Variants in UTP20 observed in about 807,000 individuals in gnomAD.
The protein encoded by UTP20 is small subunit processome component 20 homolog.
Under a neutral mutation model 329.5 loss-of-function variants are expected in UTP20, and 164 were observed. That is an observed-to-expected ratio of 0.50 (90% CI 0.44 to 0.57). The LOEUF is 0.57. Among genes scored for constraint, UTP20 ranks in the 20% least tolerant of loss-of-function variants. The pLI, the probability that UTP20 is intolerant of heterozygous loss-of-function variation, is 0.00. For missense variants in UTP20, 3,055 were observed against 3,284.2 expected (o/e 0.93, Z 1.71); for synonymous variants, 1,151 against 1,159.3 (o/e 0.99, Z 0.14).
Position 101,342,563 on chromosome 12 carries a change from A to C in UTP20, c.4219A>C (p.Arg1407=), listed in dbSNP as rs1178788205. The C allele has an allele frequency of 5.6e-6, 9 of 1,613,004 alleles. No homozygotes were observed. The highest frequency in any genetic ancestry group is 7.6e-6 in the Non-Finnish European group (9 of 1,179,690). ...CTCAGTTATTAAGAACAAATTGTCAAGAAAATTGCTTTGTACGGTTTTTGA... is the reference window on the plus strand; with the variant it reads ...CTCAGTTATTAAGAACAAATTGTCACGAAAATTGCTTTGTACGGTTTTTGA... ...LFSVIKNKLS[R]KLLCTVFETL... is the part of the protein sequence containing the mutation. The change falls in exon 33 of 62, where the codon AGA becomes CGA. Residue 1407 remains arginine (R), a synonymous_variant. Transcript: ENST00000261637.
chr12:101,340,555 G>A lies in UTP20; in HGVS notation c.4046G>A (p.Ser1349Asn). ...ISKFMKDKEQ[S>N]SVLITLLLPF... Reference sequence around the variant, plus strand: ...AAGTTTATGAAAGACAAAGAACAAAGTTCTGTACTCATTACGCTTCTCCTT... The same window carrying A: ...AAGTTTATGAAAGACAAAGAACAAAATTCTGTACTCATTACGCTTCTCCTT... Residue 1349 changes from serine (S) to asparagine (N), a missense_variant, in exon 32 of 62, where the codon AGT becomes AAT. Around this residue, in one of 3 missense-constraint regions of UTP20, gnomAD observed 2,445 missense variants for 2,575.5 expected, o/e 0.95. Coordinates refer to ENST00000261637, the MANE Select transcript of UTP20 (RefSeq NM_014503.3). 5.0e-6 allele frequency: 8 copies of A among 1,611,542 alleles called. No individual in the cohort carries two copies. Among genetic ancestry groups the A allele is most frequent in the Non-Finnish European group, 6.8e-6 (8 of 1,179,024 alleles).
At chr12:101,378,244 A>G (rs139666379) in intron 56 of UTP20, among the ~76,000 whole-genome samples, 1 of 152,224 alleles carries the variant, frequency 6.6e-6, no homozygotes, top group Non-Finnish European at 1.5e-5. Flanking sequence ...TATAATTCCA[A>G]CGTCACAGAA....
Position 101,308,312 on chromosome 12 carries a change from A to G in UTP20, c.2123A>G (p.Gln708Arg), listed in dbSNP as rs1872691413. 6.3e-7 allele frequency: 1 copy of G among 1,591,884 alleles called. No individual in the cohort carries two copies. Among genetic ancestry groups the G allele is most frequent in the Non-Finnish European group, 8.6e-7 (1 of 1,169,390 alleles). The change falls in exon 18 of 62, where the codon CAG (glutamine) becomes CGG (arginine). Residue 708 changes from glutamine to arginine, a missense_variant. By Grantham distance (43) the Gln-to-Arg change is conservative. Around this residue, in one of 3 missense-constraint regions of UTP20, gnomAD observed 2,445 missense variants for 2,575.5 expected, o/e 0.95. Transcript: ENST00000261637. Reference protein sequence around the residue: ...HLRKLRHDVVQTAVPDGPLQE... With the variant: ...HLRKLRHDVVRTAVPDGPLQE... Reference sequence around the variant, plus strand: ...AGAAAACTAAGACATGATGTGGTACAGACTGCTGTCCCTGATGGGCCGTTA... The same window carrying G: ...AGAAAACTAAGACATGATGTGGTACGGACTGCTGTCCCTGATGGGCCGTTA...
chr12:101,377,486 A>G (rs2121050857), intron 56 of UTP20, among the ~76,000 whole-genome samples: 1 of 152,158 alleles, frequency 6.6e-6, no homozygotes, highest in East Asian at 1.9e-4. Context: ...GTGTGCCACC[A>G]TGCCCAGCTA....
intron 29 of UTP20, among the ~76,000 whole-genome samples, chr12:101,334,773 G>A (rs576902927): frequency 9.2e-5 from 14 of 152,220 alleles, no homozygotes; most frequent in African/African-American, 3.4e-4. Context: ...TCAGGAATTC[G>A]AGACCAGTCT....
In UTP20 at chr12:101,288,901, G is replaced by A. The variant is rs904631737; in HGVS notation, c.516-59G>A. On this transcript the variant is annotated intron_variant, in intron 5 of 61. Transcript: ENST00000261637. ...TTGTTGCCCATATTGTTGACATGTA[G>A]TATGTATTTATTACAATTATATGAT... 26 of 1,426,456 alleles carry A rather than the reference G, an allele frequency of 1.8e-5. No homozygotes were observed. In the Middle Eastern group the frequency reaches 9.1e-4, roughly 50 times the overall value. The allele number at this position is 1,426,456 out of a possible 1,614,324, so 88.4% of individuals were successfully genotyped here. A position where few individuals can be genotyped will look rare whatever the true frequency, so the allele number is the denominator to read the frequency against.
At position 101,383,253 on chromosome 12, in the gene UTP20, C is replaced by T; in HGVS notation, c.7869C>T (p.Ile2623=). ...LGRPATLLWL[I]QKLSRIAKLE... ...GGCCGGCCACGCTGCTGTGGTTGAT[C>T]CAGAAGCTGTCCCGGATTGCAAAAC... is the stretch of plus-strand genomic sequence containing the variant. Residue 2623 remains isoleucine (I), a synonymous_variant, in exon 59 of 62, where the codon ATC becomes ATT. Coordinates refer to ENST00000261637, the MANE Select transcript of UTP20 (RefSeq NM_014503.3). 1 of 1,614,122 alleles carries T rather than the reference C, an allele frequency of 6.2e-7. No individual in the cohort carries two copies. The highest frequency in any genetic ancestry group is 1.1e-5 in the South Asian group (1 of 91,078).
chr12:101,301,408 C>T (rs973524972), intron 14 of UTP20, among the ~76,000 whole-genome samples: 5 of 152,152 alleles, frequency 3.3e-5, no homozygotes, highest in Admixed American at 1.3e-4. Context: ...TGGCTCATGC[C>T]GGTAATCCCA....
intron 10 of UTP20, 145 bp from the exon 11 acceptor site, chr12:101,293,023 G>A: frequency 5.6e-6 from 4 of 719,550 alleles, no homozygotes; most frequent in Non-Finnish European, 9.2e-6. Context: ...CTTTGCATCT[G>A]TGGAAGCACC....
chr12:101,302,827 A>G (rs1470930823), intron 15 of UTP20, among the ~76,000 whole-genome samples: 1 of 152,216 alleles, frequency 6.6e-6, no homozygotes, highest in Non-Finnish European at 1.5e-5. Context: ...ATCATTCCCA[A>G]CTGTAACGTG....
At chr12:101,311,921 T>C (rs538204242) in intron 20 of UTP20, 115 bp from the exon 21 acceptor site, 1 of 1,559,844 alleles carries the variant, frequency 6.4e-7, no homozygotes, top group East Asian at 2.3e-5. Flanking sequence ...ATGATAACTT[T>C]TGGGAGTGAC....
intron 29 of UTP20, 62 bp downstream of exon 29, chr12:101,334,566 C>T: frequency 4.3e-6 from 6 of 1,406,748 alleles, no homozygotes; most frequent in Non-Finnish European, 5.9e-6. Context: ...CTGGTTAAAG[C>T]AGTCCAGGAA....
At chr12:101,369,980 G>A (rs1870231770) in intron 49 of UTP20, 89 bp downstream of exon 49, 6 of 1,311,932 alleles carry the variant, frequency 4.6e-6, no homozygotes, top group South Asian at 2.8e-5. Flanking sequence ...TTGGGAGGCT[G>A]AGGTGGGAGG....
chr12:101,380,186 T>C (rs1870596498), intron 57 of UTP20, among the ~76,000 whole-genome samples: 1 of 152,024 alleles, frequency 6.6e-6, no homozygotes, highest in African/African-American at 2.4e-5. Context: ...GAGACTAGCC[T>C]GGGCAACATG....
chr12:101,342,701 T>G, intron 33 of UTP20, 86 bp from the exon 34 acceptor site: 1 of 1,531,826 alleles, frequency 6.5e-7, no homozygotes, highest in South Asian at 1.2e-5. Context: ...TATATGAATT[T>G]GAATGGGGAC....
intron 54 of UTP20, 108 bp downstream of exon 54, chr12:101,373,875 A>G: frequency 7.9e-7 from 1 of 1,271,204 alleles, no homozygotes; most frequent in South Asian, 1.4e-5. Flanking sequence ...TTTCCCAAAT[A>G]GTGTTATTTT....
chr12:101,372,553 A>AC (rs1870328973), intron 51 of UTP20, among the ~76,000 whole-genome samples: 2 of 152,226 alleles, frequency 1.3e-5, no homozygotes, highest in Non-Finnish European at 2.9e-5. Context: ...CACAGTCCAT[A>AC]CTGTGGTACA....
intron 27 of UTP20, among the ~76,000 whole-genome samples, 186 bp downstream of exon 27, chr12:101,329,635 A>G (rs965711512): frequency 2.6e-5 from 4 of 152,346 alleles, no homozygotes; most frequent in African/African-American, 9.6e-5. Context: ...ATGCAGTCAA[A>G]CATTACTAGG....
intron 37 of UTP20, 27 bp downstream of exon 37, chr12:101,345,721 C>T (rs758864151): frequency 3.1e-6 from 5 of 1,591,330 alleles, no homozygotes; most frequent in African/African-American, 2.7e-5. Context: ...CTTTTTCCTA[C>T]CTACGACATA....
Sources: gnomAD v4.1 joint callset for allele counts (sites outside exome capture counted in the v4.1 genomes callset) on GRCh38, gnomAD v4.1.1 for gene constraint, gnomAD v4.1.1 regional missense constraint, MANE v1.5 for transcripts, NCBI Gene and HGNC (gene_info 2026-07-23, HGNC 2026-07-21) for gene names.